The following PLEKHG2 variants were observed in gnomAD, a reference collection of about 807,000 sequenced individuals.
PLEKHG2 encodes pleckstrin homology domain-containing family G member 2.
Under a neutral mutation model 104.4 loss-of-function variants are expected in PLEKHG2, and 71 were observed. The ratio of observed to expected loss-of-function variants is 0.68; its 90% CI spans 0.56 to 0.83. The LOEUF (loss-of-function observed/expected upper bound fraction) is 0.83, where lower values mean the gene tolerates loss of function less well. Among genes scored for constraint, PLEKHG2 ranks in the 40% least tolerant of loss-of-function variants. PLEKHG2 has a pLI of 0.00. For missense variants in PLEKHG2, 1,730 were observed against 1,809.4 expected (o/e 0.96, Z 0.80); for synonymous variants, 728 against 737.0 (o/e 0.99, Z 0.20).
chr19:39,425,133 A>T lies in PLEKHG2; in HGVS notation c.4000A>T (p.Ser1334Cys), dbSNP rs1008541502. 1.1e-5 allele frequency: 18 copies of T among 1,586,542 alleles called. No individual in the cohort carries two copies. The African/African-American group carries it at 1.4e-4, about 12-fold the overall frequency. ...QPPPPPARRL[S>C]YATTVNIHVG... ...ACCACCTCCCCCAGCCAGGCGGCTC[A>T]GCTATGCCACGACGGTTAACATCCA... Residue 1334 changes from serine (S) to cysteine (C), a missense_variant, in exon 19 of 19, where the codon AGC becomes TGC. By Grantham distance (112) the Ser-to-Cys change is moderately radical. Coordinates refer to ENST00000425673, the MANE Select transcript of PLEKHG2 (RefSeq NM_022835.3).
intron 18 of PLEKHG2, 24 bp downstream of exon 18, chr19:39,423,677 C>T: frequency 6.4e-7 from 1 of 1,558,788 alleles, no homozygotes; most frequent in East Asian, 2.3e-5. Context: ...ACGTGGTTGG[C>T]AGAGGTGGTC....
At position 39,421,152 on chromosome 19, in the gene PLEKHG2, C is replaced by T. The variant is rs749471771; in HGVS notation, c.1486+39C>T. 31 of 1,591,780 alleles carry T rather than the reference C, an allele frequency of 1.9e-5. No individual in the cohort carries two copies. In the South Asian group the frequency reaches 3.3e-4, roughly 17 times the overall value. Reference sequence around the variant, plus strand: ...CCGGTTCAGCCTGGTCCATCCCTGTCTGTCGCCCGGTGGGATGTCTGGGGC... The same window carrying T: ...CCGGTTCAGCCTGGTCCATCCCTGTTTGTCGCCCGGTGGGATGTCTGGGGC... On this transcript the variant is annotated intron_variant, in intron 15 of 18. Transcript: ENST00000425673.
rs369650354 is a variant in PLEKHG2, at chr19:39,415,086, C to T, written c.204C>T (p.Pro68=). 1.9e-6 allele frequency: 3 copies of T among 1,592,102 alleles called. No individual in the cohort carries two copies. The highest frequency in any genetic ancestry group is 1.3e-5 in the African/African-American group (1 of 74,312). Residue 68 remains proline, a synonymous_variant, in exon 3 of 19, where the codon CCC becomes CCT. Transcript: ENST00000425673. This position sits in a 1 kb window ranked among gnomAD's most constrained non-coding sequence, Gnocchi z 4.6. ...CTGAGGGGGATCCAGCCCCTGGGCC[C>T]ACTCCAGCCTGCTCAGCCTCCAGGC... ...VGSEGDPAPG[P]TPACSASRPE...
rs2078611437 is a variant in PLEKHG2 at position 39,416,774 on chromosome 19, C to G, written c.594-76C>G. On this transcript the variant is annotated intron_variant, in intron 6 of 18. Coordinates refer to ENST00000425673, the MANE Select transcript of PLEKHG2 (RefSeq NM_022835.3). The surrounding 1 kb of genome is among the most constrained non-coding windows in gnomAD (Gnocchi z 4.5). The stretch of plus-strand genomic sequence containing the variant: ...TGTCAGACCCTGACCCTTCCCAAAC[C>G]CTGGCCCCTCCCTAACCCCTCTTGA... 1.3e-6 allele frequency: 2 copies of G among 1,521,124 alleles called. No homozygotes were observed. The highest frequency in any genetic ancestry group is 8.9e-7 in the Non-Finnish European group (1 of 1,126,834). The allele number at this position is 1,521,124 out of a possible 1,614,324, so 94.2% of individuals were successfully genotyped here.
Position 39,421,013 on chromosome 19 carries a change from A to G in PLEKHG2, c.1447+17A>G. 6.2e-7 allele frequency: 1 copy of G among 1,613,992 alleles called. No individual in the cohort carries two copies. The highest frequency in any genetic ancestry group is 1.1e-5 in the South Asian group (1 of 91,068). ...GGCAGTCTGGTGAGCACTCACCCCT[A>G]AGGGTGATCCAGGCATCGGGGTGGG... On this transcript the variant is annotated intron_variant, in intron 14 of 18. Transcript: ENST00000425673.
Position 39,422,233 on chromosome 19 carries a change from C to CA in PLEKHG2, c.1624dup (p.Ile542AsnfsTer3). On this transcript the variant is annotated frameshift_variant, in exon 17 of 19. Transcript: ENST00000425673. LOFTEE classifies it high-confidence loss of function. Reference sequence around the variant, plus strand: ...CCAACACTGGACCCCTCTGGGACCTCAATCACTGAAGAAATCCTGGAACTG... The same window carrying CA: ...CCAACACTGGACCCCTCTGGGACCTCAAATCACTGAAGAAATCCTGGAACTG... 1 of 1,613,854 alleles carries CA rather than the reference C, an allele frequency of 6.2e-7. No homozygotes were observed. The highest frequency in any genetic ancestry group is 8.5e-7 in the Non-Finnish European group (1 of 1,179,916).
Position 39,423,236 on chromosome 19 carries a change from G to A in PLEKHG2, c.2182G>A (p.Gly728Ser), listed in dbSNP as rs763019327. The A allele has an allele frequency of 3.7e-6, 6 of 1,613,636 alleles. No individual in the cohort carries two copies. Among genetic ancestry groups the A allele is most frequent in the South Asian group, 1.1e-5 (1 of 91,084 alleles). The change falls in exon 18 of 19, where the codon GGC becomes AGC. Residue 728 changes from glycine (G) to serine (S), a missense_variant. Coordinates refer to ENST00000425673, the MANE Select transcript of PLEKHG2 (RefSeq NM_022835.3). Reference sequence around the variant, plus strand: ...GAAACTGGGAGAGCCGCCTTCAGGAGGCAAGGCAGGGCCAGAGGAGGATGA... The same window carrying A: ...GAAACTGGGAGAGCCGCCTTCAGGAAGCAAGGCAGGGCCAGAGGAGGATGA... The part of the protein sequence containing the change: ...PGKLGEPPSG[G>S]KAGPEEDEEG...
intron 10 of PLEKHG2, 28 bp from the exon 11 acceptor site, chr19:39,418,889 C>G (rs1190732483): frequency 3.1e-6 from 5 of 1,601,068 alleles, no homozygotes; most frequent in Non-Finnish European, 4.3e-6. Flanking sequence ...ACACCTGGCC[C>G]CCTGACTCTA....
chr19:39,415,268 G>A lies in PLEKHG2; in HGVS notation c.378+8G>A, dbSNP rs994395536. 15 of 1,597,916 alleles carry A rather than the reference G, an allele frequency of 9.4e-6. No homozygotes were observed. The highest frequency in any genetic ancestry group is 7.0e-5 in the Admixed American group (4 of 57,168). ...CTCCGCAGCATCGTGGAGGTAAGGC[G>A]GGCAGACACCAGAGGGCAGTGGGTA... On this transcript the variant is annotated splice_region_variant and intron_variant, in intron 3 of 18. Coordinates refer to ENST00000425673, the MANE Select transcript of PLEKHG2 (RefSeq NM_022835.3). The surrounding 1 kb of genome is among the most constrained non-coding windows in gnomAD (Gnocchi z 4.6).
rs769209826 is a variant in PLEKHG2, at chr19:39,416,821, A to T, written c.594-29A>T. 1.3e-6 allele frequency: 2 copies of T among 1,566,314 alleles called. No individual in the cohort carries two copies. The highest frequency in any genetic ancestry group is 2.3e-5 in the South Asian group (2 of 85,466). On this transcript the variant is annotated intron_variant, in intron 6 of 18. Transcript: ENST00000425673. The surrounding 1 kb of genome is among the most constrained non-coding windows in gnomAD (Gnocchi z 4.5). ...TTGACCCCGCCCACTGGAACTGACAATCCCCACTGACCTGTGCTGTGCCCC... is the reference window on the plus strand; with the variant it reads ...TTGACCCCGCCCACTGGAACTGACATTCCCCACTGACCTGTGCTGTGCCCC...
chr19:39,419,117 A>G (rs2078656967), intron 11 of PLEKHG2, 114 bp downstream of exon 11: 1 of 946,530 alleles, frequency 1.1e-6, no homozygotes, highest in Non-Finnish European at 1.5e-6. Context: ...TGTGATTGCT[A>G]AAAGTGCAGA....
Position 39,413,703 on chromosome 19 carries a change from TC to T in PLEKHG2, c.-23+295del, listed in dbSNP as rs2078555575. On this transcript the variant is annotated intron_variant, in intron 1 of 18. Coordinates refer to ENST00000425673, the MANE Select transcript of PLEKHG2 (RefSeq NM_022835.3). The surrounding 1 kb of genome is among the most constrained non-coding windows in gnomAD (Gnocchi z 4.5). ...GCATCCGGTCCCCCAGCCTCCGCCC[TC>T]CCCTGGGACCCCGCGGCCTCCCGCC... is the stretch of plus-strand genomic sequence containing the variant. 1 of 158,196 alleles carries T rather than the reference TC, an allele frequency of 6.3e-6. No homozygotes were observed. Among genetic ancestry groups the T allele is most frequent in the African/African-American group, 2.4e-5 (1 of 41,418 alleles). The allele number at this position is 158,196 out of a possible 1,614,324, so 9.8% of individuals were successfully genotyped here.
At position 39,427,321 on chromosome 19, in the gene PLEKHG2, C is replaced by T. The variant is rs1454166239; in HGVS notation, c.*2027C>T. ...GCATTACAGGCGTGAGCCATCATTC[C>T]TGGCTGGGAATCCGAATTTTTTTTT... On this transcript the variant is annotated 3_prime_UTR_variant, in exon 19 of 19. Coordinates refer to ENST00000425673, the MANE Select transcript of PLEKHG2 (RefSeq NM_022835.3). 6.7e-6 allele frequency: 1 copy of T among 148,984 alleles called. No homozygotes were observed. The highest frequency in any genetic ancestry group is 2.5e-5 in the African/African-American group (1 of 39,736). The allele number at this position is 148,984 out of a possible 1,614,324, so 9.2% of individuals were successfully genotyped here. A position where few individuals can be genotyped will look rare whatever the true frequency, so the allele number is the denominator to read the frequency against.
intron 11 of PLEKHG2, among the ~76,000 whole-genome samples, chr19:39,419,754 G>A (rs558831742): frequency 8.3e-4 from 127 of 152,244 alleles, no homozygotes; most frequent in Middle Eastern, 3.4e-3. Context: ...GCAGGTGCCC[G>A]TAGTCCCAGC....
Position 39,415,519 on chromosome 19 carries a change from G to C in PLEKHG2, c.479+80G>C. On this transcript the variant is annotated intron_variant, in intron 4 of 18. Coordinates refer to ENST00000425673, the MANE Select transcript of PLEKHG2 (RefSeq NM_022835.3). This position sits in a 1 kb window ranked among gnomAD's most constrained non-coding sequence, Gnocchi z 4.6. ...CTAATCCAAACCTCGGAGCTTCGTA[G>C]TGTCCTGTCCAGGCTGGTACGTGGG... The C allele has an allele frequency of 6.8e-7, 1 of 1,480,248 alleles. No individual in the cohort carries two copies. Among genetic ancestry groups the C allele is most frequent in the South Asian group, 1.2e-5 (1 of 81,682 alleles). 91.7% of individuals were successfully genotyped at this position (1,480,248 alleles called of 1,614,324 possible). A position where few individuals can be genotyped will look rare whatever the true frequency, so the allele number is the denominator to read the frequency against.
chr19:39,418,979 C>T lies in PLEKHG2; in HGVS notation c.1239C>T (p.Asn413=), dbSNP rs761465217. ...GTCTCCAGCGCCTCTTCTTTGAGAA[C>T]CACCCTGCCTCCATCCCTGCCAAGG... ...IHCLQRLFFE[N]HPASIPAKAK... The change falls in exon 11 of 19, where the codon AAC becomes AAT. Residue 413 remains asparagine, a synonymous_variant. Transcript: ENST00000425673. The T allele has an allele frequency of 6.2e-7, 1 of 1,612,900 alleles. No homozygotes were observed. Among genetic ancestry groups the T allele is most frequent in the Non-Finnish European group, 8.5e-7 (1 of 1,179,764 alleles).
rs1377488282 is a variant in PLEKHG2 at position 39,428,176 on chromosome 19, T to A, written c.*2882T>A. ...GTGAACCGAGATTGCGCCACTAGAC[T>A]CCAGCCTGGGAGACGAGCAAAACTG... On this transcript the variant is annotated 3_prime_UTR_variant, in exon 19 of 19. Coordinates refer to ENST00000425673, the MANE Select transcript of PLEKHG2 (RefSeq NM_022835.3). 1 of 152,114 alleles carries A rather than the reference T, an allele frequency of 6.6e-6. No homozygotes were observed. The highest frequency in any genetic ancestry group is 1.5e-5 in the Non-Finnish European group (1 of 68,026). The allele number at this position is 152,114 out of a possible 1,614,324, so 9.4% of individuals were successfully genotyped here.
Position 39,423,408 on chromosome 19 carries a change from C to T in PLEKHG2, c.2354C>T (p.Pro785Leu), listed in dbSNP as rs2078731024. ...GGACAGCTGGCCCGGCCAGGCTTCC[C>T]AGAGCCACTGCTGATCCTGGAGGAT... ...EQGQLARPGF[P>L]EPLLILEDSD... The change falls in exon 18 of 19, where the codon CCA (proline) becomes CTA (leucine). Residue 785 changes from proline (P) to leucine (L), a missense_variant. Pro to Leu is a moderately conservative substitution (Grantham distance 98). Coordinates refer to ENST00000425673, the MANE Select transcript of PLEKHG2 (RefSeq NM_022835.3). 3.1e-6 allele frequency: 5 copies of T among 1,610,672 alleles called. No homozygotes were observed. Among genetic ancestry groups the T allele is most frequent in the African/African-American group, 1.3e-5 (1 of 74,852 alleles).
chr19:39,425,495 T>A lies in PLEKHG2; in HGVS notation c.*201T>A. On this transcript the variant is annotated 3_prime_UTR_variant, in exon 19 of 19. Transcript: ENST00000425673. ...GGGAGGAATGTCATTAATGTTTTGTTAATACTGATTCTTTCATGCAATGAT... is the reference window on the plus strand; with the variant it reads ...GGGAGGAATGTCATTAATGTTTTGTAAATACTGATTCTTTCATGCAATGAT... The A allele has an allele frequency of 1.2e-6, 1 of 818,756 alleles. No homozygotes were observed. The highest frequency in any genetic ancestry group is 1.8e-6 in the Non-Finnish European group (1 of 569,020). 50.7% of individuals were successfully genotyped at this position (818,756 alleles called of 1,614,324 possible). A position where few individuals can be genotyped will look rare whatever the true frequency, so the allele number is the denominator to read the frequency against.
Sources: allele counts gnomAD v4.1 joint callset (sites outside exome capture counted in the v4.1 genomes callset), GRCh38; gene constraint gnomAD v4.1.1; non-coding constraint Gnocchi (gnomAD v3.1); transcripts MANE v1.5; gene names NCBI Gene and HGNC (gene_info 2026-07-23, HGNC 2026-07-21).